Variants in LAMC1 observed in about 807,000 individuals in gnomAD.
LAMC1 encodes laminin subunit gamma-1.
In LAMC1, 38 loss-of-function variants were observed where a neutral mutation model predicts 173.6. That is an observed-to-expected ratio of 0.22 (90% CI 0.17 to 0.29). The LOEUF is 0.29. Ranked by LOEUF, LAMC1 falls within the 10% of genes least tolerant of loss-of-function variation. The pLI, the probability that LAMC1 is intolerant of heterozygous loss-of-function variation, is 1.00. For synonymous variants in LAMC1, 746 were observed against 749.1 expected, an observed-to-expected ratio of 1.00 and a Z score of 0.07; for missense variants, 1,824 against 2,051.8, an observed-to-expected ratio of 0.89 and a Z score of 2.14.
chr1:183,137,625 A>T, intron 25 of LAMC1, 44 bp from the exon 26 acceptor site: 1 of 1,420,506 alleles, frequency 7.0e-7, no homozygotes, highest in Non-Finnish European at 9.4e-7. Flanking sequence ...CTTGAGAAAA[A>T]GGAAAGCTTT....
intron 1 of LAMC1, among the ~76,000 whole-genome samples, chr1:183,058,294 AC>A (rs1428564313): frequency 6.6e-6 from 1 of 152,184 alleles, no homozygotes; most frequent in Non-Finnish European, 1.5e-5. Flanking sequence ...ATTGAGGGTG[AC>A]TGAATTTTAC....
At chr1:183,025,077 G>A (rs1024330471) in intron 1 of LAMC1, among the ~76,000 whole-genome samples, 1 of 152,198 alleles carries the variant, frequency 6.6e-6, no homozygotes, top group East Asian at 1.9e-4. Flanking sequence ...AAACACGTTT[G>A]ACTTAACACT....
Position 183,121,795 on chromosome 1 carries a change from A to T in LAMC1, c.2063A>T (p.Glu688Val). The T allele has an allele frequency of 6.2e-7, 1 of 1,614,146 alleles. No individual in the cohort carries two copies. The highest frequency in any genetic ancestry group is 8.5e-7 in the Non-Finnish European group (1 of 1,180,012). The change falls in exon 12 of 28, where the codon GAG becomes GTG. Residue 688 changes from glutamate to valine, a missense_variant. Coordinates refer to ENST00000258341, the MANE Select transcript of LAMC1 (RefSeq NM_002293.4). The part of the protein sequence containing the change: ...PGPGVPATWV[E>V]SCTCPVGYGG... ...CCTGGAGTCCCTGCAACTTGGGTGG[A>T]GTCCTGCACCTGTCCTGTGGGATAT...
intron 1 of LAMC1, among the ~76,000 whole-genome samples, chr1:183,026,704 T>C (rs1434340557): frequency 6.6e-6 from 1 of 152,252 alleles, no homozygotes; most frequent in African/African-American, 2.4e-5. Context: ...ATGAGTAGTG[T>C]GAAAGAACTA....
intron 1 of LAMC1, among the ~76,000 whole-genome samples, chr1:183,068,907 AC>A (rs1322130212): frequency 6.6e-6 from 1 of 151,956 alleles, no homozygotes; most frequent in Admixed American, 6.6e-5. Context: ...GCGCCACTGC[AC>A]TCCAGCCTGG....
intron 1 of LAMC1, among the ~76,000 whole-genome samples, chr1:183,055,633 G>GTACT (rs1654569938): frequency 6.6e-6 from 1 of 151,936 alleles, no homozygotes; most frequent in African/African-American, 2.4e-5. Flanking sequence ...CCAACATGGT[G>GTACT]AAACCCCATC....
chr1:183,125,361 T>C, intron 14 of LAMC1, 36 bp from the exon 15 acceptor site: 1 of 1,606,444 alleles, frequency 6.2e-7, no homozygotes, highest in Non-Finnish European at 8.5e-7. Flanking sequence ...TCTCAGGTGA[T>C]TTGTGTCTTT....
At chr1:183,131,428 G>GCT (rs1553258264) in intron 20 of LAMC1, 50 bp downstream of exon 20, 2 of 951,834 alleles carry the variant, frequency 2.1e-6, no homozygotes, top group Non-Finnish European at 3.2e-6. Context: ...TCTGTTATGG[G>GCT]GTGTGTGTGT....
At chr1:183,093,049 T>C (rs1655605197) in intron 1 of LAMC1, among the ~76,000 whole-genome samples, 1 of 152,130 alleles carries the variant, frequency 6.6e-6, no homozygotes, top group East Asian at 1.9e-4. Context: ...GAGGCCCAGG[T>C]GGGAGGATTG....
intron 1 of LAMC1, among the ~76,000 whole-genome samples, chr1:183,093,798 C>T (rs1252466638): frequency 1.3e-5 from 2 of 152,196 alleles, no homozygotes; most frequent in East Asian, 1.9e-4. Context: ...CCAAAGCTTG[C>T]ATCCCACATC....
chr1:183,058,339 C>G (rs1654652299), intron 1 of LAMC1, among the ~76,000 whole-genome samples: 1 of 152,144 alleles, frequency 6.6e-6, no homozygotes, highest in African/African-American at 2.4e-5. Context: ...TTATATGTGT[C>G]TGCTTCTTGA....
At chr1:183,064,594 TG>T (rs1654820686) in intron 1 of LAMC1, among the ~76,000 whole-genome samples, 1 of 152,130 alleles carries the variant, frequency 6.6e-6, no homozygotes, top group Non-Finnish European at 1.5e-5. Context: ...TGAGTAACAG[TG>T]GCCGTAGTGG....
At chr1:183,042,511 A>G (rs1016979870) in intron 1 of LAMC1, among the ~76,000 whole-genome samples, 9 of 152,064 alleles carry the variant, frequency 5.9e-5, no homozygotes, top group Non-Finnish European at 1.0e-4. Flanking sequence ...GAGAGAACAG[A>G]TTTTTGGCAG....
chr1:183,059,644 T>C (rs1231133151), intron 1 of LAMC1, among the ~76,000 whole-genome samples: 1 of 152,188 alleles, frequency 6.6e-6, no homozygotes, highest in Non-Finnish European at 1.5e-5. Context: ...AGTCCACAAC[T>C]AATTTGTGGC....
chr1:183,096,251 AATTT>A (rs1558046371), intron 1 of LAMC1, among the ~76,000 whole-genome samples: 1 of 152,178 alleles, frequency 6.6e-6, no homozygotes, highest in African/African-American at 2.4e-5. Flanking sequence ...CGAAAAATCT[AATTT>A]CCATAGAGAT....
intron 13 of LAMC1, among the ~76,000 whole-genome samples, chr1:183,124,033 ACTT>A (rs528997651): frequency 2.9e-3 from 438 of 152,248 alleles, no homozygotes; most frequent in Non-Finnish European, 4.9e-3. Context: ...TCTACCTGTC[ACTT>A]CTTTGGTTGC....
At chr1:183,092,508 G>A (rs1039458444) in intron 1 of LAMC1, among the ~76,000 whole-genome samples, 1 of 151,994 alleles carries the variant, frequency 6.6e-6, no homozygotes, top group African/African-American at 2.4e-5. Flanking sequence ...TCAACAATTT[G>A]CATTTTCAAA....
intron 11 of LAMC1, among the ~76,000 whole-genome samples, chr1:183,119,057 C>T (rs907522332): frequency 6.6e-6 from 1 of 152,026 alleles, no homozygotes; most frequent in African/African-American, 2.4e-5. Context: ...CCACCACACC[C>T]AGCTAATTTT....
At chr1:183,078,639 G>A (rs750408285) in intron 1 of LAMC1, among the ~76,000 whole-genome samples, 2 of 151,994 alleles carry the variant, frequency 1.3e-5, no homozygotes, top group Non-Finnish European at 1.5e-5. Context: ...TTGTTTAAAG[G>A]CAACACTGTG....
Sources: gnomAD v4.1 joint callset for allele counts (sites outside exome capture counted in the v4.1 genomes callset) on GRCh38, gnomAD v4.1.1 for gene constraint, MANE v1.5 for transcripts, NCBI Gene and HGNC (gene_info 2026-07-23, HGNC 2026-07-21) for gene names.